C9orf85: variants seen among roughly 807,000 people sequenced by gnomAD.
C9orf85 encodes uncharacterized protein C9orf85.
In C9orf85, 16 loss-of-function variants were observed where a neutral mutation model predicts 14.9. The ratio of observed to expected loss-of-function variants is 1.08; its 90% CI spans 0.73 to 1.63. C9orf85 has a LOEUF of 1.63. C9orf85 is among the 40% of genes most tolerant of loss of function. C9orf85 has a pLI of 0.00. For synonymous variants in C9orf85, 45 were observed against 56.8 expected, an observed-to-expected ratio of 0.79 and a Z score of 0.93; for missense variants, 172 against 186.1, an observed-to-expected ratio of 0.92 and a Z score of 0.44.
chr9:71,965,453 G>T (rs901708579), intron 2 of C9orf85, among the ~76,000 whole-genome samples: 3 of 152,094 alleles, frequency 2.0e-5, no homozygotes, highest in Admixed American at 2.0e-4. Flanking sequence ...TGTCAAGGGC[G>T]GGCTAGAATC....
chr9:71,929,688 A>G (rs1481939093), intron 1 of C9orf85, among the ~76,000 whole-genome samples: 1 of 151,950 alleles, frequency 6.6e-6, no homozygotes, highest in African/African-American at 2.4e-5. Flanking sequence ...ACAAGCCAGC[A>G]TGTTTGGCCT....
chr9:71,958,410 G>A lies in C9orf85; in HGVS notation c.209+11298G>A, dbSNP rs113724563. On this transcript the variant is annotated intron_variant, in intron 2 of 3. Coordinates refer to ENST00000334731, the MANE Select transcript of C9orf85 (RefSeq NM_182505.5). ...CCTGAGTAGCTGGGAATGCAGGCAT[G>A]CGCCACCACGACCAGCTAATTTTGT... 4.1e-3 allele frequency among the ~76,000 whole-genome samples: 625 copies of A among 151,518 alleles called. 5 individuals are homozygous for A. Among genetic ancestry groups the A allele is most frequent in the Middle Eastern group, 0.014 (4 of 294 alleles).
intron 2 of C9orf85, among the ~76,000 whole-genome samples, chr9:71,962,231 A>G (rs1443795503): frequency 6.6e-6 from 1 of 152,250 alleles, no homozygotes; most frequent in Non-Finnish European, 1.5e-5. Flanking sequence ...TAGTATATAT[A>G]GCCTCTTCAT....
chr9:71,947,456 A>G (rs1822130090), intron 2 of C9orf85, among the ~76,000 whole-genome samples: 1 of 152,162 alleles, frequency 6.6e-6, no homozygotes, highest in Middle Eastern at 3.2e-3. Context: ...TAAATTATCA[A>G]TTCTTAAAAC....
downstream of C9orf85, chr9:71,985,200 T>G (rs972524566): frequency 2.0e-5 from 3 of 152,236 alleles, no homozygotes; most frequent in African/African-American, 2.4e-5. Context: ...GGGAGTGATC[T>G]CTTTACATAG....
At chr9:71,974,191 T>A (rs1484746370), downstream of C9orf85, among the ~76,000 whole-genome samples, 1 of 151,688 alleles carries the variant, frequency 6.6e-6, no homozygotes. Flanking sequence ...CCTCCCACAG[T>A]GCTGGGATTA....
chr9:71,982,991 C>CTT, exon 4 of C9orf85: 4 of 145,148 alleles, frequency 2.8e-5, no homozygotes, highest in South Asian at 2.0e-4. Flanking sequence ...CTTTTCTTTT[C>CTT]TTTTTTTTTT....
intron 2 of C9orf85, among the ~76,000 whole-genome samples, chr9:71,968,281 G>C (rs1386232649): frequency 6.7e-6 from 1 of 149,160 alleles, no homozygotes; most frequent in South Asian, 2.1e-4. Flanking sequence ...TTTTTGTCTT[G>C]ATATTAGAGC....
intron 2 of C9orf85, among the ~76,000 whole-genome samples, chr9:71,961,857 C>T (rs1294175845): frequency 6.6e-6 from 1 of 152,104 alleles, no homozygotes; most frequent in Non-Finnish European, 1.5e-5. Context: ...TTTTCATAAA[C>T]TACACTTGGT....
At chr9:71,957,573 C>T (rs1822412361) in intron 2 of C9orf85, among the ~76,000 whole-genome samples, 1 of 152,052 alleles carries the variant, frequency 6.6e-6, no homozygotes, top group South Asian at 2.1e-4. Flanking sequence ...TGAGTGTGTA[C>T]CTATGTGTAG....
At chr9:71,941,310 G>A (rs955619129) in intron 1 of C9orf85, among the ~76,000 whole-genome samples, 4 of 152,146 alleles carry the variant, frequency 2.6e-5, no homozygotes, top group Non-Finnish European at 4.4e-5. Flanking sequence ...TATTGTAGCC[G>A]TTGTAATTTG....
intron 1 of C9orf85, among the ~76,000 whole-genome samples, chr9:71,933,587 T>C (rs1470739946): frequency 2.0e-5 from 3 of 152,194 alleles, no homozygotes; most frequent in Admixed American, 6.5e-5. Context: ...TAGACTGCTC[T>C]TGGGCTTTGG....
At chr9:71,918,012 G>A (rs1341771984) in intron 1 of C9orf85, among the ~76,000 whole-genome samples, 4 of 152,132 alleles carry the variant, frequency 2.6e-5, no homozygotes, top group South Asian at 2.1e-4. Context: ...GTAAAACCTC[G>A]TCTCTACTAA....
intron 1 of C9orf85, 58 bp downstream of exon 1, chr9:71,911,894 G>A: frequency 6.7e-7 from 1 of 1,488,192 alleles, no homozygotes; most frequent in Non-Finnish European, 9.4e-7. Flanking sequence ...TCACTGGAGA[G>A]GGGAGAGAGG....
intron 1 of C9orf85, among the ~76,000 whole-genome samples, chr9:71,936,770 CTTT>C (rs71353543): frequency 5.6e-4 from 50 of 89,156 alleles, no homozygotes; most frequent in Admixed American, 7.5e-4. Flanking sequence ...TTTGTTCAAG[CTTT>C]TTTTTTTTTT....
intron 2 of C9orf85, among the ~76,000 whole-genome samples, chr9:71,955,310 A>C (rs1822357112): frequency 6.6e-6 from 1 of 152,192 alleles, no homozygotes; most frequent in Non-Finnish European, 1.5e-5. Context: ...TGTTAAAAGA[A>C]AACTTTAGAC....
chr9:71,944,015 C>T (rs2132301660), intron 1 of C9orf85, among the ~76,000 whole-genome samples: 1 of 151,884 alleles, frequency 6.6e-6, no homozygotes, highest in South Asian at 2.1e-4. Flanking sequence ...GCAAGTGGAT[C>T]ACTTGAGGCC....
chr9:71,912,016 T>C (rs1827512117), intron 1 of C9orf85, 180 bp downstream of exon 1: 2 of 665,602 alleles, frequency 3.0e-6, no homozygotes, highest in East Asian at 5.8e-5. Flanking sequence ...GACCTGGACA[T>C]GTTGTCTCCT....
chr9:71,956,237 C>T (rs1184138617), intron 2 of C9orf85, among the ~76,000 whole-genome samples: 4 of 130,226 alleles, frequency 3.1e-5, no homozygotes, highest in African/African-American at 1.1e-4. Context: ...AAGGGGAATG[C>T]AAAAGTTTTT....
Sources: allele counts gnomAD v4.1 joint callset (sites outside exome capture counted in the v4.1 genomes callset), GRCh38; gene constraint gnomAD v4.1.1; transcripts MANE v1.5; gene names NCBI Gene and HGNC (gene_info 2026-07-23, HGNC 2026-07-21).